Variants in FAM227B observed in about 807,000 individuals in gnomAD.
FAM227B encodes family with sequence similarity 227 member B, also known as protein FAM227B.
In FAM227B, 88 loss-of-function variants were observed where a neutral mutation model predicts 73.8. The ratio of observed to expected loss-of-function variants is 1.19; its 90% CI spans 1.00 to 1.42. The LOEUF (loss-of-function observed/expected upper bound fraction) is 1.42, where lower values mean the gene tolerates loss of function less well. Among genes scored for constraint, FAM227B ranks in the 40% most tolerant of loss-of-function variants. The pLI is 0.00. For missense variants in FAM227B, 632 were observed against 590.9 expected (o/e 1.07, Z -0.72); for synonymous variants, 210 against 190.5 (o/e 1.10, Z -0.84).
intron 11 of FAM227B, among the ~76,000 whole-genome samples, chr15:49,460,845 T>C (rs1441877434): frequency 1.3e-5 from 2 of 152,150 alleles, no homozygotes; most frequent in Non-Finnish European, 2.9e-5. Flanking sequence ...AAGAAGAACA[T>C]TGTTTGTTTG....
chr15:49,366,557 A>T (rs2045225470), intron 13 of FAM227B: 1 of 1,592,122 alleles, frequency 6.3e-7, no homozygotes, highest in African/African-American at 1.3e-5. Flanking sequence ...GTTATAAAGC[A>T]TGCAGTAGTC....
At chr15:49,405,039 G>T (rs2048422252) in intron 11 of FAM227B, among the ~76,000 whole-genome samples, 1 of 152,106 alleles carries the variant, frequency 6.6e-6, no homozygotes, top group Non-Finnish European at 1.5e-5. Context: ...TGAAATTCTG[G>T]GTTGGAATTC....
intron 9 of FAM227B, among the ~76,000 whole-genome samples, chr15:49,564,373 T>C (rs570266408): frequency 1.9e-4 from 29 of 152,312 alleles, no homozygotes; most frequent in Admixed American, 1.5e-3. Context: ...AGAATGCTTA[T>C]GCACTGTTGG....
chr15:49,376,991 T>A (rs2046206679), intron 11 of FAM227B, among the ~76,000 whole-genome samples: 1 of 152,026 alleles, frequency 6.6e-6, no homozygotes, highest in African/African-American at 2.4e-5. Flanking sequence ...TACTTTTTTT[T>A]ATTGTCTCCA....
intron 13 of FAM227B, chr15:49,365,339 A>G (rs2044953043): frequency 1.0e-5 from 16 of 1,560,164 alleles, no homozygotes; most frequent in Non-Finnish European, 1.3e-5. Context: ...AAATGTAAGT[A>G]TCATGCCAAT....
intron 5 of FAM227B, among the ~76,000 whole-genome samples, chr15:49,585,710 G>T (rs1357106218): frequency 2.0e-5 from 3 of 152,052 alleles, no homozygotes; most frequent in Non-Finnish European, 4.4e-5. Flanking sequence ...GTGGAGGGGG[G>T]AGGGATAGCA....
intron 10 of FAM227B, among the ~76,000 whole-genome samples, chr15:49,531,791 A>T (rs2060627815): frequency 6.6e-6 from 1 of 151,968 alleles, no homozygotes; most frequent in Non-Finnish European, 1.5e-5. Context: ...CAATATGTTT[A>T]CTACATATTT....
intron 10 of FAM227B, among the ~76,000 whole-genome samples, chr15:49,513,446 G>A (rs2059156899): frequency 6.6e-6 from 1 of 152,008 alleles, no homozygotes; most frequent in Non-Finnish European, 1.5e-5. Context: ...ACTTTTTGAT[G>A]GGGTTGTTTT....
chr15:49,537,296 T>C (rs944309640), intron 10 of FAM227B, among the ~76,000 whole-genome samples: 10 of 151,850 alleles, frequency 6.6e-5, no homozygotes, highest in Non-Finnish European at 1.5e-4. Context: ...CATACAAATA[T>C]ATGAAAAGAC....
intron 3 of FAM227B, among the ~76,000 whole-genome samples, chr15:49,608,473 G>A (rs561490436): frequency 1.1e-4 from 17 of 152,046 alleles, no homozygotes; most frequent in African/African-American, 4.1e-4. Context: ...AAGCCCAAGA[G>A]ACAATGCTGA....
intron 11 of FAM227B, among the ~76,000 whole-genome samples, chr15:49,380,780 T>C (rs772633671): frequency 1.4e-4 from 22 of 152,132 alleles, no homozygotes; most frequent in Admixed American, 6.5e-5. Flanking sequence ...CTCCTCTGAA[T>C]TGGATTTGAT....
intron 11 of FAM227B, among the ~76,000 whole-genome samples, chr15:49,467,199 G>A (rs2054341217): frequency 6.6e-6 from 1 of 152,138 alleles, no homozygotes; most frequent in Non-Finnish European, 1.5e-5. Context: ...TGCTGTCTCT[G>A]AATTAGATAA....
intron 10 of FAM227B, among the ~76,000 whole-genome samples, chr15:49,521,759 G>C (rs2059803995): frequency 6.6e-6 from 1 of 152,100 alleles, no homozygotes; most frequent in South Asian, 2.1e-4. Flanking sequence ...ATAAAGAACA[G>C]AATCTATTTT....
intron 9 of FAM227B, among the ~76,000 whole-genome samples, chr15:49,562,798 TC>T (rs1365390058): frequency 6.6e-6 from 1 of 152,004 alleles, no homozygotes; most frequent in Non-Finnish European, 1.5e-5. Flanking sequence ...AAATTCAACA[TC>T]CCTTTATGAT....
chr15:49,374,044 G>A (rs1882923000), intron 11 of FAM227B, among the ~76,000 whole-genome samples: 1 of 152,062 alleles, frequency 6.6e-6, no homozygotes, highest in Non-Finnish European at 1.5e-5. Context: ...AAAGATACAA[G>A]TATCATTTTC....
intron 11 of FAM227B, among the ~76,000 whole-genome samples, chr15:49,396,719 A>AC (rs889361256): frequency 4.0e-5 from 6 of 148,876 alleles, no homozygotes; most frequent in African/African-American, 1.2e-4. Flanking sequence ...ACTGGGAGGC[A>AC]CCCCCCAGCA....
At chr15:49,405,381 G>A (rs1416074673) in intron 11 of FAM227B, among the ~76,000 whole-genome samples, 5 of 152,008 alleles carry the variant, frequency 3.3e-5, no homozygotes, top group Admixed American at 3.3e-4. Flanking sequence ...ATCTCTTTTG[G>A]GGACACCAAT....
chr15:49,541,952 ATT>A, intron 9 of FAM227B, 146 bp from the exon 10 acceptor site: 1 of 619,020 alleles, frequency 1.6e-6, no homozygotes, highest in Non-Finnish European at 2.4e-6. Context: ...CTAAAATCAC[ATT>A]TATATAAATT....
At position 49,383,446 on chromosome 15, in the gene FAM227B, G is replaced by C. The variant is rs1035592688; in HGVS notation, c.1013-12047C>G. On this transcript the variant is annotated intron_variant, in intron 11 of 15. Coordinates refer to ENST00000299338, the MANE Select transcript of FAM227B (RefSeq NM_152647.3). ...AGACAAAATGCTATTATACCCTTAA[G>C]AGACTACAATATAGTATAAACATAA... Among the ~76,000 whole-genome samples, 5 of 152,056 alleles carry C rather than the reference G, an allele frequency of 3.3e-5. 1 individual carries two copies. The highest frequency in any genetic ancestry group is 2.6e-4 in the Admixed American group (4 of 15,236).
Sources: gnomAD v4.1 joint callset for allele counts (sites outside exome capture counted in the v4.1 genomes callset) on GRCh38, gnomAD v4.1.1 for gene constraint, MANE v1.5 for transcripts, NCBI Gene and HGNC (gene_info 2026-07-23, HGNC 2026-07-21) for gene names.